The following NKAIN3 variants were observed in gnomAD, a reference collection of about 807,000 sequenced individuals.
The protein encoded by NKAIN3 is sodium/potassium-transporting ATPase subunit beta-1-interacting protein 3.
In NKAIN3, 25 loss-of-function variants were observed where a neutral mutation model predicts 30.2. That is an observed-to-expected ratio of 0.83 (90% CI 0.60 to 1.16). NKAIN3 has a LOEUF of 1.16. NKAIN3 is among the 50% of genes most tolerant of loss of function. The probability of loss-of-function intolerance (pLI) is 0.00; values close to 1 mark genes in which losing one functional copy is unlikely to be tolerated. For synonymous variants in NKAIN3, 91 were observed against 89.6 expected, an observed-to-expected ratio of 1.02 and a Z score of -0.09; for missense variants, 225 against 254.1, an observed-to-expected ratio of 0.89 and a Z score of 0.78.
chr8:62,839,172 A>C (rs73258718), intron 4 of NKAIN3, among the ~76,000 whole-genome samples: 4,049 of 152,234 alleles, frequency 0.027, 181 homozygotes, highest in African/African-American at 0.092. Context: ...CATAACAACA[A>C]GAATTCCTTG....
intron 1 of NKAIN3, among the ~76,000 whole-genome samples, chr8:62,422,383 G>A (rs1357556479): frequency 6.6e-6 from 1 of 152,042 alleles, no homozygotes; most frequent in Non-Finnish European, 1.5e-5. Flanking sequence ...TAACAGAATT[G>A]GAATGTGAAA....
intron 4 of NKAIN3, among the ~76,000 whole-genome samples, chr8:62,830,063 T>C (rs1401085768): frequency 6.6e-6 from 1 of 152,220 alleles, no homozygotes; most frequent in Non-Finnish European, 1.5e-5. Flanking sequence ...GCCAGAATCC[T>C]ATTGTAGATA....
At chr8:62,554,795 T>C (rs939960312) in intron 1 of NKAIN3, among the ~76,000 whole-genome samples, 1 of 152,128 alleles carries the variant, frequency 6.6e-6, no homozygotes, top group Non-Finnish European at 1.5e-5. Context: ...TTACTCATCC[T>C]ACATAACTGC....
intron 4 of NKAIN3, among the ~76,000 whole-genome samples, chr8:62,816,805 C>G (rs570545310): frequency 6.6e-6 from 1 of 152,218 alleles, no homozygotes; most frequent in Admixed American, 6.5e-5. Context: ...GGTGGCTCCA[C>G]TCTCAAAATG....
chr8:62,602,697 T>C (rs1040758410), intron 3 of NKAIN3, among the ~76,000 whole-genome samples: 1 of 152,086 alleles, frequency 6.6e-6, no homozygotes, highest in African/African-American at 2.4e-5. Flanking sequence ...TCTTCTTACA[T>C]AACCAGTCTT....
intron 4 of NKAIN3, among the ~76,000 whole-genome samples, chr8:62,897,148 G>A (rs1321221100): frequency 1.3e-5 from 2 of 152,130 alleles, no homozygotes; most frequent in Admixed American, 1.3e-4. Flanking sequence ...CTGCAGAGGG[G>A]TTGTCTAAAG....
intron 1 of NKAIN3, among the ~76,000 whole-genome samples, chr8:62,493,780 G>A (rs1353381603): frequency 1.3e-5 from 2 of 152,002 alleles, no homozygotes; most frequent in East Asian, 1.9e-4. Flanking sequence ...ATTTTATTCT[G>A]TTTGTGGCAG....
chr8:62,558,907 T>C (rs1809485760), intron 1 of NKAIN3, among the ~76,000 whole-genome samples: 1 of 152,098 alleles, frequency 6.6e-6, no homozygotes. Flanking sequence ...TCCAGGTGTT[T>C]TTCTTCCTAT....
intron 1 of NKAIN3, among the ~76,000 whole-genome samples, chr8:62,539,592 T>G (rs1808775281): frequency 6.6e-6 from 1 of 152,118 alleles, no homozygotes; most frequent in South Asian, 2.1e-4. Context: ...TGTTTGTTTG[T>G]TTGTTTGTTT....
intron 4 of NKAIN3, among the ~76,000 whole-genome samples, chr8:62,831,806 CA>C (rs1324319394): frequency 4.6e-5 from 7 of 152,012 alleles, no homozygotes; most frequent in African/African-American, 1.7e-4. Flanking sequence ...GACAATAATT[CA>C]ATAAAATTTC....
At chr8:62,542,072 G>T (rs1449301990) in intron 1 of NKAIN3, among the ~76,000 whole-genome samples, 1 of 152,106 alleles carries the variant, frequency 6.6e-6, no homozygotes. Context: ...TTTTCTCCTG[G>T]TCTGGTCAAA....
intron 1 of NKAIN3, among the ~76,000 whole-genome samples, chr8:62,378,142 C>G (rs1225983534): frequency 6.6e-6 from 1 of 152,114 alleles, no homozygotes; most frequent in East Asian, 1.9e-4. Context: ...AGGTGAGGAC[C>G]TTGTTGGGAA....
intron 1 of NKAIN3, among the ~76,000 whole-genome samples, chr8:62,439,228 T>C (rs1418367281): frequency 1.3e-5 from 2 of 152,212 alleles, no homozygotes; most frequent in East Asian, 3.9e-4. Flanking sequence ...GGTATGAGCC[T>C]GAGTCCTCTG....
At chr8:62,728,917 A>C (rs1241552918) in intron 3 of NKAIN3, among the ~76,000 whole-genome samples, 1 of 148,540 alleles carries the variant, frequency 6.7e-6, no homozygotes, top group African/African-American at 2.5e-5. Flanking sequence ...GTGAACCCGG[A>C]AGGCGGAGCT....
intron 1 of NKAIN3, among the ~76,000 whole-genome samples, chr8:62,516,699 C>T (rs1012240678): frequency 1.3e-5 from 2 of 152,068 alleles, no homozygotes; most frequent in African/African-American, 2.4e-5. Flanking sequence ...GTGCTCTGTA[C>T]AAATTTTATG....
In NKAIN3 at chr8:62,977,716, T is replaced by C. The variant is rs1246708819; in HGVS notation, c.*12309T>C. The stretch of plus-strand genomic sequence containing the variant: ...ATCTTCTGAAGCTTACTTCTGTCAA[T>C]TTGTCAAACACATTCTCCATTCAGT... On this transcript the variant is annotated 3_prime_UTR_variant, in exon 7 of 7. Coordinates refer to ENST00000623646, the MANE Select transcript of NKAIN3 (RefSeq NM_001304533.3). 1 of 150,940 alleles carries C rather than the reference T, an allele frequency of 6.6e-6. No individual in the cohort carries two copies. 9.4% of individuals were successfully genotyped at this position (150,940 alleles called of 1,614,324 possible).
intron 3 of NKAIN3, among the ~76,000 whole-genome samples, chr8:62,649,821 G>T (rs1319477271): frequency 2.6e-5 from 4 of 152,174 alleles, no homozygotes; most frequent in Non-Finnish European, 5.9e-5. Context: ...CAGGTGTGCT[G>T]CATTGGGCAG....
chr8:62,609,748 C>A (rs1811232776), intron 3 of NKAIN3, among the ~76,000 whole-genome samples: 2 of 151,960 alleles, frequency 1.3e-5, no homozygotes, highest in South Asian at 4.1e-4. Flanking sequence ...GAAGAGAGCA[C>A]AAATATGGGG....
intron 1 of NKAIN3, among the ~76,000 whole-genome samples, chr8:62,403,233 G>A (rs1436334152): frequency 6.6e-6 from 1 of 152,146 alleles, no homozygotes; most frequent in Non-Finnish European, 1.5e-5. Flanking sequence ...TCAAGAGGAA[G>A]CACGCCTAAA....
Sources: allele counts gnomAD v4.1 joint callset (sites outside exome capture counted in the v4.1 genomes callset), GRCh38; gene constraint gnomAD v4.1.1; transcripts MANE v1.5; gene names NCBI Gene and HGNC (gene_info 2026-07-23, HGNC 2026-07-21).